Variants in STK10 observed in about 807,000 individuals in gnomAD.
STK10 encodes the protein serine/threonine kinase 10, also known as serine/threonine-protein kinase 10.
In STK10, 78 loss-of-function variants were observed where a neutral mutation model predicts 113.8. That is an observed-to-expected ratio of 0.69 (90% CI 0.57 to 0.83). The LOEUF (loss-of-function observed/expected upper bound fraction) is 0.83, where lower values mean the gene tolerates loss of function less well. Among genes scored for constraint, STK10 ranks in the 40% least tolerant of loss-of-function variants. The pLI is 0.00. For missense variants in STK10, 1,109 were observed against 1,280.1 expected (o/e 0.87, Z 2.04); for synonymous variants, 465 against 494.7 (o/e 0.94, Z 0.80).
At chr5:172,114,473 A>ATATTTAT (rs1226289994) in intron 4 of STK10, 1 of 47,546 alleles carries the variant, frequency 2.1e-5, no homozygotes. Context: ...ATATATATAT[A>ATATTTAT]TTTTTTTTTT....
At chr5:172,180,483 T>G (rs1770832059) in intron 1 of STK10, among the ~76,000 whole-genome samples, 1 of 148,768 alleles carries the variant, frequency 6.7e-6, no homozygotes, top group Non-Finnish European at 1.5e-5. Flanking sequence ...AAGTCTAGCC[T>G]AAAAGGTAAA....
At chr5:172,165,599 A>G (rs1351790955) in intron 1 of STK10, among the ~76,000 whole-genome samples, 2 of 145,716 alleles carry the variant, frequency 1.4e-5, no homozygotes, top group Non-Finnish European at 3.0e-5. Flanking sequence ...CTCTGAGTCC[A>G]AGGGATTCAT....
intron 16 of STK10, 86 bp downstream of exon 16, chr5:172,055,502 C>A: frequency 7.9e-7 from 1 of 1,259,700 alleles, no homozygotes; most frequent in Non-Finnish European, 1.0e-6. Flanking sequence ...TCATATTCTC[C>A]AAAACTGTAT....
In STK10 at chr5:172,187,730, C is replaced by A. The variant is rs1022215751; in HGVS notation, c.156+157G>T. ...TCGGCCGGGCCGAGTGATGTTCCCC[C>A]CAAAAAACAAGAGTCATCGGGATGA... is the stretch of plus-strand genomic sequence containing the variant. On this transcript the variant is annotated intron_variant, in intron 1 of 18. Coordinates refer to ENST00000176763, the MANE Select transcript of STK10 (RefSeq NM_005990.4). The surrounding 1 kb of genome is among the most constrained non-coding windows in gnomAD (Gnocchi z 4.6). 6.6e-6 allele frequency among the ~76,000 whole-genome samples: 1 copy of A among 152,186 alleles called. No individual in the cohort carries two copies. Among genetic ancestry groups the A allele is most frequent in the Non-Finnish European group, 1.5e-5 (1 of 68,032 alleles).
Position 172,093,652 on chromosome 5 carries a change from G to A in STK10, c.1314C>T (p.Ser438=). 6.2e-7 allele frequency: 1 copy of A among 1,614,228 alleles called. No homozygotes were observed. Among genetic ancestry groups the A allele is most frequent in the Non-Finnish European group, 8.5e-7 (1 of 1,180,046 alleles). ...KQVAEQGGDL[S]PAANRSQKAS... Reference sequence around the variant, plus strand: ...CCTTTTGAGATCTGTTGGCTGCTGGGCTGAGGTCCCCACCCTGCTCAGCAA... The same window carrying A: ...CCTTTTGAGATCTGTTGGCTGCTGGACTGAGGTCCCCACCCTGCTCAGCAA... Residue 438 remains serine (S), a synonymous_variant, in exon 9 of 19, where the codon AGC becomes AGT. Coordinates refer to ENST00000176763, the MANE Select transcript of STK10 (RefSeq NM_005990.4). This position sits in a 1 kb window ranked among gnomAD's most constrained non-coding sequence, Gnocchi z 4.1.
chr5:172,101,470 CAAAAAA>C (rs796588690), intron 7 of STK10, among the ~76,000 whole-genome samples: 1 of 72,602 alleles, frequency 1.4e-5, no homozygotes, highest in African/African-American at 3.7e-5. Flanking sequence ...ACTCCGTCTC[CAAAAAA>C]AAAAAAAAAA....
At chr5:172,183,062 C>G (rs1045081301) in intron 1 of STK10, among the ~76,000 whole-genome samples, 1 of 151,956 alleles carries the variant, frequency 6.6e-6, no homozygotes, top group Non-Finnish European at 1.5e-5. Flanking sequence ...TAAAAATTAG[C>G]CAGGTGTGGT....
intron 2 of STK10, among the ~76,000 whole-genome samples, chr5:172,132,354 A>G (rs187121942): frequency 3.9e-5 from 6 of 152,032 alleles, no homozygotes; most frequent in East Asian, 3.9e-4. Flanking sequence ...AATTTTTTTA[A>G]TTCAACCTAG....
intron 4 of STK10, chr5:172,115,074 G>A (rs902499): frequency 0.16 from 24,712 of 151,984 alleles, 2,352 homozygotes; most frequent in African/African-American, 0.26. Context: ...TGGCCAGTCC[G>A]AATCCTCCCT....
chr5:172,091,309 C>G (rs1581150996), intron 9 of STK10, among the ~76,000 whole-genome samples: 1 of 152,318 alleles, frequency 6.6e-6, no homozygotes, highest in Admixed American at 6.5e-5. Flanking sequence ...AACTCCCCAC[C>G]TGCTAGGAGT....
intron 4 of STK10, among the ~76,000 whole-genome samples, chr5:172,109,100 T>C (rs1769179416): frequency 1.3e-5 from 2 of 152,082 alleles, no homozygotes; most frequent in Admixed American, 1.3e-4. Context: ...GATTACTATT[T>C]ATATTACTGT....
At position 172,139,494 on chromosome 5, in the gene STK10, A is replaced by G. The variant is rs1163780841; in HGVS notation, c.322-12073T>C. On this transcript the variant is annotated intron_variant, in intron 2 of 18. Transcript: ENST00000176763. Reference sequence around the variant, plus strand: ...CAATATAGTGAGACCCCATCTCTGGAAAAAAAAAAAAAAAAGAAAAGAGAG... The same window carrying G: ...CAATATAGTGAGACCCCATCTCTGGGAAAAAAAAAAAAAAAGAAAAGAGAG... 1.1e-4 allele frequency among the ~76,000 whole-genome samples: 13 copies of G among 114,684 alleles called. 1 individual carries two copies. In the East Asian group the frequency reaches 2.0e-3, roughly 18 times the overall value. 75.2% of individuals were successfully genotyped at this position (114,684 alleles called of 152,430 possible).
In STK10 at chr5:172,061,173, G is replaced by C. The variant is rs768019174; in HGVS notation, c.2178C>G (p.Arg726=). Residue 726 remains arginine, a synonymous_variant, in exon 14 of 19, where the codon CGC becomes CGG. Coordinates refer to ENST00000176763, the MANE Select transcript of STK10 (RefSeq NM_005990.4). ...GCTCCTGCTTCTTCATGAGGCACTC[G>C]CGCTCCTTGTCACAGATCTCCCGCC... ...DNRREICDKE[R]ECLMKKQELL... 1 of 1,613,026 alleles carries C rather than the reference G, an allele frequency of 6.2e-7. No homozygotes were observed. The highest frequency in any genetic ancestry group is 8.5e-7 in the Non-Finnish European group (1 of 1,179,846).
intron 9 of STK10, among the ~76,000 whole-genome samples, chr5:172,092,149 A>G (rs1334365406): frequency 6.6e-6 from 1 of 152,322 alleles, no homozygotes; most frequent in South Asian, 2.1e-4. Context: ...AGCAGTGAGA[A>G]GTAGAGGCCG....
chr5:172,052,491 C>T (rs1270894572), intron 18 of STK10, among the ~76,000 whole-genome samples: 7 of 152,296 alleles, frequency 4.6e-5, no homozygotes, highest in South Asian at 4.1e-4. Context: ...AGTAAACGGG[C>T]GTTGGTTTAA....
rs750359776 is a variant in STK10, at chr5:172,044,785, G to T, written c.*97C>A. The T allele has an allele frequency of 6.7e-5, 106 of 1,592,060 alleles. No individual in the cohort carries two copies. In the Middle Eastern group the frequency reaches 1.3e-3, roughly 19 times the overall value. On this transcript the variant is annotated 3_prime_UTR_variant, in exon 19 of 19. Transcript: ENST00000176763. The surrounding 1 kb of genome is among the most constrained non-coding windows in gnomAD (Gnocchi z 4.5). ...GGGCTGGATTTGAGCTGGCACAGAC[G>T]CAAGAGGGAAAAGGGGTCCTGAGTT...
At chr5:172,074,995 G>A (rs1270117643) in intron 12 of STK10, among the ~76,000 whole-genome samples, 3 of 151,662 alleles carry the variant, frequency 2.0e-5, no homozygotes, top group Non-Finnish European at 4.4e-5. Context: ...ACTCCAGCCT[G>A]GGGGACCGAG....
chr5:172,099,850 C>A (rs1768943375), intron 7 of STK10, among the ~76,000 whole-genome samples: 1 of 152,230 alleles, frequency 6.6e-6, no homozygotes, highest in African/African-American at 2.4e-5. Context: ...TCGGGGCACC[C>A]CATGTATTGA....
In STK10 at chr5:172,186,543, GCC is replaced by G. The variant is rs1415258500; in HGVS notation, c.156+1342_156+1343del. Among the ~76,000 whole-genome samples the G allele has an allele frequency of 1.1e-4, 17 of 151,938 alleles. No individual in the cohort carries two copies. The South Asian group carries it at 3.3e-3, about 30-fold the overall frequency. ...AGGCTGAGGCAGGAGAATTGCTTGA[GCC>G]CAGGAGGCAGAGGTTGCAGTGAGCC... On this transcript the variant is annotated intron_variant, in intron 1 of 18. Coordinates refer to ENST00000176763, the MANE Select transcript of STK10 (RefSeq NM_005990.4).
Sources: allele counts gnomAD v4.1 joint callset (sites outside exome capture counted in the v4.1 genomes callset), GRCh38; gene constraint gnomAD v4.1.1; non-coding constraint Gnocchi (gnomAD v3.1); transcripts MANE v1.5; gene names NCBI Gene and HGNC (gene_info 2026-07-23, HGNC 2026-07-21).